PPARGC1A: variants seen among roughly 807,000 people sequenced by gnomAD.
PPARGC1A encodes the protein peroxisome proliferator-activated receptor gamma coactivator 1-alpha.
In PPARGC1A, 25 loss-of-function variants were observed where a neutral mutation model predicts 88.7. That is an observed-to-expected ratio of 0.28 (90% CI 0.21 to 0.39). The LOEUF (loss-of-function observed/expected upper bound fraction) is 0.39, where lower values mean the gene tolerates loss of function less well. Ranked by LOEUF, PPARGC1A falls within the 10% of genes least tolerant of loss-of-function variation. The pLI is 1.00. For missense variants in PPARGC1A, 880 were observed against 968.7 expected, an observed-to-expected ratio of 0.91 and a Z score of 1.22; for synonymous variants, 363 against 355.6, an observed-to-expected ratio of 1.02 and a Z score of -0.24.
the PPARGC1A span, among the ~76,000 whole-genome samples, chr4:24,078,299 T>G: frequency 6.6e-6 from 1 of 152,200 alleles, no homozygotes; most frequent in Non-Finnish European, 1.5e-5. Flanking sequence ...AGGCCTTTTT[T>G]GGATTGGTCA....
At chr4:23,940,737 C>CA in the PPARGC1A span, among the ~76,000 whole-genome samples, 78 of 152,266 alleles carry the variant, frequency 5.1e-4, no homozygotes, top group South Asian at 2.5e-3. Context: ...GTCTTGTTCT[C>CA]TGGGCTTTCT....
At chr4:23,842,588 G>C (rs552571994) in intron 2 of PPARGC1A, among the ~76,000 whole-genome samples, 14 of 151,990 alleles carry the variant, frequency 9.2e-5, no homozygotes, top group Non-Finnish European at 1.9e-4. Flanking sequence ...CCTTTGTTTT[G>C]GGGGCTGTCC....
chr4:23,806,519 A>G (rs560169863), intron 10 of PPARGC1A, among the ~76,000 whole-genome samples: 109 of 152,342 alleles, frequency 7.2e-4, no homozygotes, highest in South Asian at 5.6e-3. Flanking sequence ...AAACCTTTGG[A>G]AACAGCTCCT....
chr4:24,449,879 T>C, the PPARGC1A span, among the ~76,000 whole-genome samples: 1 of 152,232 alleles, frequency 6.6e-6, no homozygotes, highest in Non-Finnish European at 1.5e-5. Flanking sequence ...TCTGGAGTTT[T>C]ACCTTCTAAT....
At chr4:24,273,747 T>G in the PPARGC1A span, among the ~76,000 whole-genome samples, 7 of 94,828 alleles carry the variant, frequency 7.4e-5, no homozygotes, top group Non-Finnish European at 1.5e-4. Flanking sequence ...TTTTTTTTTT[T>G]GAGACAGAGT....
intron 2 of PPARGC1A, among the ~76,000 whole-genome samples, chr4:23,867,936 TGA>T (rs1422370274): frequency 6.6e-6 from 1 of 152,196 alleles, no homozygotes; most frequent in Non-Finnish European, 1.5e-5. Context: ...CTGAATCCAT[TGA>T]GAGGGTCAAA....
the PPARGC1A span, among the ~76,000 whole-genome samples, chr4:24,397,408 T>G: frequency 6.6e-6 from 1 of 152,212 alleles, no homozygotes; most frequent in South Asian, 2.1e-4. Context: ...TCTTTAGGAA[T>G]AAATCCCCAA....
At chr4:24,410,769 C>T in the PPARGC1A span, among the ~76,000 whole-genome samples, 21 of 152,254 alleles carry the variant, frequency 1.4e-4, no homozygotes, top group Middle Eastern at 3.4e-3. Flanking sequence ...TTCCTGCCCT[C>T]GAACATCAGA....
the PPARGC1A span, among the ~76,000 whole-genome samples, chr4:24,064,792 G>T: frequency 3.3e-5 from 5 of 152,014 alleles, no homozygotes; most frequent in Non-Finnish European, 5.9e-5. Flanking sequence ...GCCAATATGT[G>T]CATCTTACTA....
the PPARGC1A span, among the ~76,000 whole-genome samples, chr4:24,335,076 A>G: frequency 6.6e-6 from 1 of 152,240 alleles, no homozygotes; most frequent in African/African-American, 2.4e-5. Flanking sequence ...CAAAACAACT[A>G]TCGCATTCGG....
At chr4:23,945,598 C>G in the PPARGC1A span, among the ~76,000 whole-genome samples, 147,081 of 152,218 alleles carry the variant, frequency 0.97, 71,252 homozygotes, top group East Asian at 1. Context: ...TGGGCCTAGA[C>G]AATAGGAAGT....
the PPARGC1A span, among the ~76,000 whole-genome samples, chr4:24,198,673 G>C: frequency 6.6e-6 from 1 of 152,182 alleles, no homozygotes. Flanking sequence ...CTAAGGCCAG[G>C]ACATGGAAGC....
the PPARGC1A span, among the ~76,000 whole-genome samples, chr4:24,210,352 C>T: frequency 2.6e-5 from 4 of 152,126 alleles, no homozygotes; most frequent in East Asian, 7.7e-4. Context: ...ACTTCTTTGC[C>T]CAATTTGGAA....
the PPARGC1A span, among the ~76,000 whole-genome samples, chr4:24,169,470 A>G: frequency 3.2e-4 from 49 of 152,326 alleles, no homozygotes; most frequent in African/African-American, 1.2e-3. Context: ...GTAAGATGTT[A>G]TAACAGGGGA....
the PPARGC1A span, among the ~76,000 whole-genome samples, chr4:24,104,247 G>A: frequency 6.6e-6 from 1 of 152,134 alleles, no homozygotes; most frequent in South Asian, 2.1e-4. Context: ...GTGGCTATAG[G>A]GGTTTATCAC....
At chr4:24,401,100 G>T in the PPARGC1A span, among the ~76,000 whole-genome samples, 177 of 134,078 alleles carry the variant, frequency 1.3e-3, 1 homozygote, top group Middle Eastern at 0.015. Flanking sequence ...CTCACTTCAA[G>T]CTCCGCCTCC....
At chr4:24,273,725 C>A in the PPARGC1A span, among the ~76,000 whole-genome samples, 1 of 100,980 alleles carries the variant, frequency 9.9e-6, no homozygotes, top group Non-Finnish European at 1.9e-5. Flanking sequence ...CCTTGGGGCA[C>A]TTTTTTTTTT....
the PPARGC1A span, among the ~76,000 whole-genome samples, chr4:23,911,390 G>A: frequency 2.5e-3 from 377 of 152,186 alleles, 10 homozygotes; most frequent in Admixed American, 0.024. Flanking sequence ...ATCTTCAGGG[G>A]GCAGCGATGC....
rs187822762 is a variant in PPARGC1A at position 23,867,841 on chromosome 4, C to T, written c.234+16911G>A. Among the ~76,000 whole-genome samples the T allele has an allele frequency of 1.1e-3, 161 of 152,302 alleles. 1 individual carries two copies. Among genetic ancestry groups the T allele is most frequent in the Non-Finnish European group, 5.7e-4 (39 of 68,028 alleles). On this transcript the variant is annotated intron_variant, in intron 2 of 12. Coordinates refer to ENST00000264867, the MANE Select transcript of PPARGC1A (RefSeq NM_013261.5). ...TTGTACAATCATGCACACTTTTCCACAAGAGGTAAACTGTTTTCATTACAA... is the reference window on the plus strand; with the variant it reads ...TTGTACAATCATGCACACTTTTCCATAAGAGGTAAACTGTTTTCATTACAA...
Sources: allele counts gnomAD v4.1 joint callset (sites outside exome capture counted in the v4.1 genomes callset), GRCh38; gene constraint gnomAD v4.1.1; transcripts MANE v1.5; gene names NCBI Gene and HGNC (gene_info 2026-07-23, HGNC 2026-07-21).